MTMR7: variants seen among roughly 807,000 people sequenced by gnomAD.
The protein encoded by MTMR7 is phosphatidylinositol-3-phosphate phosphatase MTMR7.
In MTMR7, 76 loss-of-function variants were observed where a neutral mutation model predicts 81.2. That is an observed-to-expected ratio of 0.94 (90% CI 0.78 to 1.13). The LOEUF (loss-of-function observed/expected upper bound fraction) is 1.13, where lower values mean the gene tolerates loss of function less well. Ranked by LOEUF, MTMR7 falls within the 50% of genes most tolerant of loss-of-function variation. The pLI is 0.00. For synonymous variants in MTMR7, 372 were observed against 289.8 expected, an observed-to-expected ratio of 1.28 and a Z score of -2.88; for missense variants, 1,044 against 820.0, an observed-to-expected ratio of 1.27 and a Z score of -3.34.
intron 1 of MTMR7, among the ~76,000 whole-genome samples, chr8:17,373,914 A>T (rs1392923440): frequency 6.6e-6 from 1 of 152,232 alleles, no homozygotes; most frequent in Non-Finnish European, 1.5e-5. Context: ...TTTTAAGGAC[A>T]TGTGCACTGA....
chr8:17,390,592 C>T (rs1821077759), intron 1 of MTMR7, among the ~76,000 whole-genome samples: 1 of 152,058 alleles, frequency 6.6e-6, no homozygotes, highest in South Asian at 2.1e-4. Context: ...CTGTATTAGT[C>T]CCTTCTCATA....
chr8:17,310,910 T>C (rs564196888), intron 9 of MTMR7, among the ~76,000 whole-genome samples: 2 of 152,274 alleles, frequency 1.3e-5, no homozygotes, highest in East Asian at 1.9e-4. Context: ...CCCAGGCAAC[T>C]ATATACAATA....
rs745437356 is a variant in MTMR7 at position 17,305,773 on chromosome 8, C to G, written c.1336G>C (p.Glu446Gln). 2 of 1,611,996 alleles carry G rather than the reference C, an allele frequency of 1.2e-6. No individual in the cohort carries two copies. The highest frequency in any genetic ancestry group is 2.2e-5 in the South Asian group (2 of 90,996). Residue 446 changes from glutamate (E) to glutamine (Q), a missense_variant, in exon 11 of 14, where the codon GAG becomes CAG. By Grantham distance (29) the Glu-to-Gln change is conservative (BLOSUM62 2). Coordinates refer to ENST00000180173, the MANE Select transcript of MTMR7 (RefSeq NM_004686.5). ...FGNFLCNSQK[E>Q]RRELKIQERT... ...AACACTTACTTGAGTTCTCGTCTCT[C>G]CTTTTGGCTGTTACATAGGAAGTTT...
chr8:17,369,185 C>A (rs770833286), intron 3 of MTMR7, among the ~76,000 whole-genome samples: 1 of 152,228 alleles, frequency 6.6e-6, no homozygotes, highest in South Asian at 2.1e-4. Context: ...TTATCTGCTG[C>A]GTGCAACCTA....
At chr8:17,362,891 C>A (rs1401276567) in intron 3 of MTMR7, among the ~76,000 whole-genome samples, 1 of 152,192 alleles carries the variant, frequency 6.6e-6, no homozygotes, top group Admixed American at 6.5e-5. Context: ...GATGACTCAT[C>A]TGCATGGAAG....
Position 17,299,423 on chromosome 8 carries a change from G to A in MTMR7, c.*439C>T, listed in dbSNP as rs192622635. 2.3e-4 allele frequency: 37 copies of A among 159,914 alleles called. 1 individual carries two copies. The highest frequency in any genetic ancestry group is 7.1e-4 in the South Asian group (4 of 5,668). 9.9% of individuals were successfully genotyped at this position (159,914 alleles called of 1,614,324 possible). On this transcript the variant is annotated 3_prime_UTR_variant, in exon 14 of 14. Transcript: ENST00000180173. The stretch of plus-strand genomic sequence containing the variant: ...TTTTAGAAATATGTATAAGAGGGTC[G>A]GAAAGGAGGATAATGTCAGATGCTT...
chr8:17,357,716 G>C (rs763693116), intron 4 of MTMR7, among the ~76,000 whole-genome samples: 7 of 152,118 alleles, frequency 4.6e-5, no homozygotes. Flanking sequence ...TAAAGGCAAA[G>C]GAATAGCAAT....
intron 1 of MTMR7, among the ~76,000 whole-genome samples, chr8:17,376,194 G>C (rs954567909): frequency 6.6e-6 from 1 of 152,108 alleles, no homozygotes; most frequent in African/African-American, 2.4e-5. Flanking sequence ...CTTTGATAGT[G>C]GTTTCTTTCA....
rs914397746 is a variant in MTMR7, at chr8:17,297,070, C to T, written c.*2792G>A. 1.3e-5 allele frequency: 2 copies of T among 151,976 alleles called. No homozygotes were observed. Among genetic ancestry groups the T allele is most frequent in the African/African-American group, 4.8e-5 (2 of 41,374 alleles). The allele number at this position is 151,976 out of a possible 1,614,324, so 9.4% of individuals were successfully genotyped here. The stretch of plus-strand genomic sequence containing the variant: ...TTCTAATTTTATGGCTATATATTTT[C>T]TTCATAAAAATTGGTCACATCGGAG... On this transcript the variant is annotated 3_prime_UTR_variant, in exon 14 of 14. Transcript: ENST00000180173.
At position 17,325,043 on chromosome 8, in the gene MTMR7, A is replaced by G. The variant is rs550850910; in HGVS notation, c.865+6107T>C. On this transcript the variant is annotated intron_variant, in intron 7 of 13. Coordinates refer to ENST00000180173, the MANE Select transcript of MTMR7 (RefSeq NM_004686.5). ...CTACAAAGGGCTGAGTCCATCTTCC[A>G]TTTCCTCAAGGTTGAATTAGCCAGC... Among the ~76,000 whole-genome samples the G allele has an allele frequency of 3.5e-4, 54 of 152,238 alleles. No individual in the cohort carries two copies. The South Asian group carries it at 0.011, about 31-fold the overall frequency.
chr8:17,404,794 T>C (rs1172350656), intron 1 of MTMR7, among the ~76,000 whole-genome samples: 1 of 152,052 alleles, frequency 6.6e-6, no homozygotes, highest in Non-Finnish European at 1.5e-5. Context: ...GGTTTTTTTG[T>C]TGGTGGTTGG....
intron 6 of MTMR7, among the ~76,000 whole-genome samples, chr8:17,333,400 T>G (rs1402963797): frequency 6.6e-6 from 1 of 152,238 alleles, no homozygotes; most frequent in Non-Finnish European, 1.5e-5. Context: ...TCAAAGATGT[T>G]GGTTTATCCT....
chr8:17,320,944 C>A (rs28363722), intron 7 of MTMR7, among the ~76,000 whole-genome samples: 12,615 of 152,244 alleles, frequency 0.083, 616 homozygotes, highest in African/African-American at 0.13. Context: ...TGCGTGAAGT[C>A]TCAGGATGCA....
At chr8:17,308,219 A>G (rs189361629) in intron 10 of MTMR7, among the ~76,000 whole-genome samples, 10 of 152,066 alleles carry the variant, frequency 6.6e-5, no homozygotes, top group African/African-American at 2.2e-4. Flanking sequence ...TTTCCTTATC[A>G]AACAATTATC....
intron 3 of MTMR7, among the ~76,000 whole-genome samples, chr8:17,370,259 C>A (rs938465264): frequency 6.6e-5 from 10 of 151,634 alleles, no homozygotes; most frequent in Non-Finnish European, 1.0e-4. Flanking sequence ...CATGGTAGTT[C>A]ACTCCTGTAA....
At chr8:17,306,174 T>G (rs1817444211) in intron 10 of MTMR7, among the ~76,000 whole-genome samples, 1 of 152,150 alleles carries the variant, frequency 6.6e-6, no homozygotes, top group African/African-American at 2.4e-5. Context: ...GCGTTCACGT[T>G]ATAGTTACAA....
intron 1 of MTMR7, among the ~76,000 whole-genome samples, chr8:17,392,999 A>T (rs1218181964): frequency 1.3e-5 from 2 of 152,176 alleles, no homozygotes; most frequent in Middle Eastern, 3.2e-3. Context: ...AACAAGCTAT[A>T]CGTGAGAAAA....
chr8:17,319,937 C>T (rs543714070), intron 7 of MTMR7, among the ~76,000 whole-genome samples: 7 of 152,124 alleles, frequency 4.6e-5, no homozygotes, highest in Non-Finnish European at 5.9e-5. Flanking sequence ...CATGTGGCTA[C>T]GAAACACTTG....
At chr8:17,301,968 C>T (rs1817146283) in intron 13 of MTMR7, 186 bp downstream of exon 13, 3 of 649,944 alleles carry the variant, frequency 4.6e-6, no homozygotes, top group South Asian at 5.1e-5. Context: ...GTGTGAAATG[C>T]ATTAAATGCC....
Sources: gnomAD v4.1 joint callset for allele counts (sites outside exome capture counted in the v4.1 genomes callset) on GRCh38, gnomAD v4.1.1 for gene constraint, MANE v1.5 for transcripts, NCBI Gene and HGNC (gene_info 2026-07-23, HGNC 2026-07-21) for gene names.